Variants in SCHIP1 observed in about 807,000 individuals in gnomAD.
The protein encoded by SCHIP1 is schwannomin-interacting protein 1.
In SCHIP1, 8 loss-of-function variants were observed where a neutral mutation model predicts 29.7. The observed-to-expected ratio is 0.27, with a 90% CI of 0.16 to 0.49. The LOEUF is 0.49. Ranked by LOEUF, SCHIP1 falls within the 20% of genes least tolerant of loss-of-function variation. The pLI, the probability that SCHIP1 is intolerant of heterozygous loss-of-function variation, is 0.99. For synonymous variants in SCHIP1, 76 were observed against 94.9 expected, an observed-to-expected ratio of 0.80 and a Z score of 1.16; for missense variants, 193 against 294.6, an observed-to-expected ratio of 0.66 and a Z score of 2.52.
chr3:159,490,701 G>C, the SCHIP1 span, among the ~76,000 whole-genome samples: 1 of 152,212 alleles, frequency 6.6e-6, no homozygotes, highest in Non-Finnish European at 1.5e-5. Context: ...CTCGTGTATG[G>C]AGAGGAGATA....
the SCHIP1 span, among the ~76,000 whole-genome samples, chr3:159,758,179 G>C: frequency 6.6e-6 from 1 of 151,774 alleles, no homozygotes; most frequent in Non-Finnish European, 1.5e-5. Context: ...CCAAGACAGA[G>C]TCTTGCTCTG....
chr3:159,278,759 A>G, the SCHIP1 span, among the ~76,000 whole-genome samples: 1 of 152,298 alleles, frequency 6.6e-6, no homozygotes, highest in South Asian at 2.1e-4. Flanking sequence ...TTTATCATAC[A>G]TGGTGAATCT....
chr3:159,850,206 A>C (rs555807141), intron 1 of SCHIP1, among the ~76,000 whole-genome samples: 1 of 152,304 alleles, frequency 6.6e-6, no homozygotes, highest in South Asian at 2.1e-4. Context: ...ATGTTGATTC[A>C]GCTCTTGATA....
chr3:159,583,350 C>G, the SCHIP1 span, among the ~76,000 whole-genome samples: 1 of 152,152 alleles, frequency 6.6e-6, no homozygotes, highest in Admixed American at 6.6e-5. Context: ...ACCCACAAAG[C>G]AGTCCAATTT....
chr3:159,469,134 C>A, the SCHIP1 span, among the ~76,000 whole-genome samples: 10 of 151,916 alleles, frequency 6.6e-5, no homozygotes, highest in Non-Finnish European at 8.8e-5. Flanking sequence ...ACACACAAGA[C>A]CAATTTTAGG....
At chr3:159,525,527 T>G in the SCHIP1 span, among the ~76,000 whole-genome samples, 3 of 152,212 alleles carry the variant, frequency 2.0e-5, no homozygotes, top group Admixed American at 6.5e-5. Flanking sequence ...TCTAATATAG[T>G]TATTGAACTC....
the SCHIP1 span, among the ~76,000 whole-genome samples, chr3:159,514,385 G>T: frequency 1.3e-5 from 2 of 152,168 alleles, no homozygotes; most frequent in Non-Finnish European, 2.9e-5. Context: ...TTACCTATTT[G>T]TTTATAAAGT....
At chr3:159,590,667 A>C in the SCHIP1 span, among the ~76,000 whole-genome samples, 1 of 152,134 alleles carries the variant, frequency 6.6e-6, no homozygotes, top group Non-Finnish European at 1.5e-5. Flanking sequence ...CTCCCTGTGT[A>C]GCCTTTTCAG....
At chr3:159,687,498 A>C in the SCHIP1 span, among the ~76,000 whole-genome samples, 1 of 148,386 alleles carries the variant, frequency 6.7e-6, no homozygotes, top group Admixed American at 6.6e-5. Flanking sequence ...GGAACAAAAA[A>C]CAAACAAAGA....
chr3:159,858,196 G>C (rs1295573264), intron 1 of SCHIP1, among the ~76,000 whole-genome samples: 1 of 152,200 alleles, frequency 6.6e-6, no homozygotes, highest in Non-Finnish European at 1.5e-5. Context: ...GTGCTAAAAA[G>C]TATTCTCTGG....
the SCHIP1 span, among the ~76,000 whole-genome samples, chr3:159,441,966 G>A: frequency 6.6e-6 from 1 of 152,082 alleles, no homozygotes; most frequent in East Asian, 1.9e-4. Flanking sequence ...CGAGCAGCTG[G>A]AATTATAAGC....
At chr3:159,345,102 C>G in the SCHIP1 span, among the ~76,000 whole-genome samples, 2 of 151,794 alleles carry the variant, frequency 1.3e-5, no homozygotes, top group Non-Finnish European at 2.9e-5. Flanking sequence ...GTGGTGGGTG[C>G]CTGTAATCCC....
the SCHIP1 span, among the ~76,000 whole-genome samples, chr3:159,377,446 T>A: frequency 1.3e-5 from 2 of 152,222 alleles, no homozygotes; most frequent in African/African-American, 4.8e-5. Context: ...TCTACAGACC[T>A]ATGTCCCGCA....
the SCHIP1 span, among the ~76,000 whole-genome samples, chr3:159,669,302 C>T: frequency 1.3e-5 from 2 of 152,160 alleles, no homozygotes; most frequent in Non-Finnish European, 2.9e-5. Context: ...TTTAGGTAGA[C>T]CCAAAGAAAG....
the SCHIP1 span, among the ~76,000 whole-genome samples, chr3:159,832,283 TATCTTCAGTCCCA>T: frequency 6.6e-6 from 1 of 152,168 alleles, no homozygotes; most frequent in African/African-American, 2.4e-5. Flanking sequence ...TTACTCACCA[TATCTTCAGTCCCA>T]AGACTGAATG....
chr3:159,856,319 T>A (rs895026822), intron 1 of SCHIP1, among the ~76,000 whole-genome samples: 4 of 152,084 alleles, frequency 2.6e-5, no homozygotes, highest in Non-Finnish European at 5.9e-5. Flanking sequence ...GGGAGGCACA[T>A]AAAGGAACAA....
the SCHIP1 span, among the ~76,000 whole-genome samples, chr3:159,367,692 C>T: frequency 6.6e-6 from 1 of 152,056 alleles, no homozygotes; most frequent in Non-Finnish European, 1.5e-5. Context: ...ATTTTTTTCT[C>T]TCTCACACAG....
At chr3:159,843,039 T>G (rs1354152591) in intron 1 of SCHIP1, among the ~76,000 whole-genome samples, 2 of 133,892 alleles carry the variant, frequency 1.5e-5, no homozygotes, top group Admixed American at 8.1e-5. Context: ...TGAGATGGAG[T>G]CTCACTCTGT....
chr3:159,554,973 A>G, the SCHIP1 span, among the ~76,000 whole-genome samples: 1 of 152,124 alleles, frequency 6.6e-6, no homozygotes, highest in Non-Finnish European at 1.5e-5. Flanking sequence ...CCAAAATGAC[A>G]TGGATACATT....
Sources: gnomAD v4.1 joint callset for allele counts (sites outside exome capture counted in the v4.1 genomes callset) on GRCh38, gnomAD v4.1.1 for gene constraint, MANE v1.5 for transcripts, NCBI Gene and HGNC (gene_info 2026-07-23, HGNC 2026-07-21) for gene names.